RSPO2: variants seen among roughly 807,000 people sequenced by gnomAD.
RSPO2 encodes the protein R-spondin 2.
RSPO2 carries 14 observed loss-of-function variants against 30.9 expected under a neutral mutation model. The ratio of observed to expected loss-of-function variants is 0.45; its 90% confidence interval spans 0.30 to 0.71. The LOEUF (loss-of-function observed/expected upper bound fraction) is 0.71, where lower values mean the gene tolerates loss of function less well. RSPO2 is among the 30% of genes least tolerant of loss of function. The pLI is 0.08. For missense variants in RSPO2, 264 were observed against 301.9 expected, an observed-to-expected ratio of 0.87 and a Z score of 0.93; for synonymous variants, 107 against 96.4, an observed-to-expected ratio of 1.11 and a Z score of -0.64.
chr8:107,944,133 C>A (rs1223161714), intron 5 of RSPO2, among the ~76,000 whole-genome samples: 1 of 152,092 alleles, frequency 6.6e-6, no homozygotes, highest in Non-Finnish European at 1.5e-5. Context: ...TAATTCAAGT[C>A]TCTGGTTTAT....
At chr8:108,058,297 T>A (rs1266070548) in intron 2 of RSPO2, among the ~76,000 whole-genome samples, 1 of 152,092 alleles carries the variant, frequency 6.6e-6, no homozygotes, top group Non-Finnish European at 1.5e-5. Flanking sequence ...ACAAGGGACA[T>A]GAAGGACCTC....
At chr8:108,027,573 A>T (rs1035316783) in intron 2 of RSPO2, among the ~76,000 whole-genome samples, 3 of 152,008 alleles carry the variant, frequency 2.0e-5, no homozygotes, top group Admixed American at 6.6e-5. Flanking sequence ...AAGTATTTAT[A>T]TTTTTTTTAA....
In RSPO2 at chr8:107,983,556, A is replaced by G. The variant is rs1210476948; in HGVS notation, c.283+5500T>C. On this transcript the variant is annotated intron_variant, in intron 3 of 5. Transcript: ENST00000276659. ...ACACACTACTATATTTACTTCAGCAAAAGAGTGAGCCAGCAGAGCCATGTA... is the reference window on the plus strand; with the variant it reads ...ACACACTACTATATTTACTTCAGCAGAAGAGTGAGCCAGCAGAGCCATGTA... 4.4e-6 allele frequency: 7 copies of G among 1,600,194 alleles called. No homozygotes were observed. The Admixed American group carries it at 5.0e-5, about 11-fold the overall frequency.
intron 2 of RSPO2, among the ~76,000 whole-genome samples, chr8:108,032,579 CT>C (rs1410674318): frequency 6.6e-6 from 1 of 152,148 alleles, no homozygotes; most frequent in African/African-American, 2.4e-5. Context: ...CAACCTCCCC[CT>C]ACCAACCTAC....
intron 5 of RSPO2, among the ~76,000 whole-genome samples, chr8:107,908,880 A>T (rs990535138): frequency 6.6e-6 from 1 of 152,220 alleles, no homozygotes; most frequent in Non-Finnish European, 1.5e-5. Flanking sequence ...AACTACCTGC[A>T]AATAACAGGT....
chr8:107,912,016 T>C (rs373368516), intron 5 of RSPO2, among the ~76,000 whole-genome samples: 7 of 152,230 alleles, frequency 4.6e-5, no homozygotes, highest in East Asian at 3.9e-4. Flanking sequence ...AGTTATTCCC[T>C]GGGGTTAAGA....
intron 5 of RSPO2, among the ~76,000 whole-genome samples, chr8:107,932,303 A>G (rs1159836937): frequency 2.6e-5 from 4 of 152,138 alleles, no homozygotes; most frequent in Non-Finnish European, 4.4e-5. Flanking sequence ...GTATATGGGA[A>G]ATAAGGATAA....
chr8:108,047,001 G>A (rs1172615550), intron 2 of RSPO2, among the ~76,000 whole-genome samples: 1 of 152,150 alleles, frequency 6.6e-6, no homozygotes, highest in East Asian at 1.9e-4. Flanking sequence ...AGAGAGAAAG[G>A]AGAAAATCAT....
intron 2 of RSPO2, among the ~76,000 whole-genome samples, chr8:108,076,211 A>G (rs898763422): frequency 2.6e-5 from 4 of 152,224 alleles, no homozygotes; most frequent in Non-Finnish European, 4.4e-5. Flanking sequence ...GCTTAAGCCA[A>G]GTGTGCTTTC....
At position 107,899,368 on chromosome 8, in the gene RSPO2, T is replaced by TTGAC. The variant is rs1261003252; in HGVS notation, c.*1703_*1706dup. Reference sequence around the variant, plus strand: ...AAGAACATCCCAGGAACAACAGGTATTGACTTATTAACGATGAAGCACTAT... The same window carrying TTGAC: ...AAGAACATCCCAGGAACAACAGGTATTGACTGACTTATTAACGATGAAGCACTAT... On this transcript the variant is annotated 3_prime_UTR_variant, in exon 6 of 6. Transcript: ENST00000276659. The TTGAC allele has an allele frequency of 6.6e-6, 1 of 152,614 alleles. No homozygotes were observed. The highest frequency in any genetic ancestry group is 6.5e-5 in the Admixed American group (1 of 15,278). The allele number at this position is 152,614 out of a possible 1,614,324, so 9.5% of individuals were successfully genotyped here.
chr8:107,979,717 T>C (rs1306690750), intron 3 of RSPO2, among the ~76,000 whole-genome samples: 2 of 151,968 alleles, frequency 1.3e-5, no homozygotes, highest in East Asian at 3.9e-4. Context: ...TTGAGGTCTC[T>C]TCCCTCTCTT....
At chr8:108,073,251 G>A (rs778329571) in intron 2 of RSPO2, among the ~76,000 whole-genome samples, 7 of 152,172 alleles carry the variant, frequency 4.6e-5, no homozygotes, top group Non-Finnish European at 8.8e-5. Flanking sequence ...AGCAGGTTTC[G>A]CCCCTGAACC....
chr8:107,976,493 A>G (rs1038542398), intron 3 of RSPO2, among the ~76,000 whole-genome samples: 1 of 152,222 alleles, frequency 6.6e-6, no homozygotes, highest in African/African-American at 2.4e-5. Flanking sequence ...TTAGGAGAGT[A>G]TTAGAATGGC....
intron 5 of RSPO2, among the ~76,000 whole-genome samples, chr8:107,913,275 T>C (rs1181188827): frequency 2.0e-5 from 3 of 152,142 alleles, no homozygotes; most frequent in African/African-American, 7.2e-5. Context: ...AAATGGCCAA[T>C]GTTACTCTCT....
chr8:108,069,882 C>T (rs1812786127), intron 2 of RSPO2, among the ~76,000 whole-genome samples: 1 of 152,170 alleles, frequency 6.6e-6, no homozygotes, highest in African/African-American at 2.4e-5. Flanking sequence ...ATTATGCCCT[C>T]ATAGGTGTGC....
intron 2 of RSPO2, among the ~76,000 whole-genome samples, chr8:108,051,551 G>A (rs186160257): frequency 6.6e-6 from 1 of 152,322 alleles, no homozygotes; most frequent in African/African-American, 2.4e-5. Context: ...AATGGTTTGA[G>A]AGCAGGGCAG....
At chr8:108,020,080 A>C (rs1281175598) in intron 2 of RSPO2, among the ~76,000 whole-genome samples, 7 of 151,338 alleles carry the variant, frequency 4.6e-5, no homozygotes, top group Non-Finnish European at 8.9e-5. Context: ...AAAATTACAA[A>C]AAAAAAAAAA....
chr8:107,998,219 G>A (rs1201265541), intron 2 of RSPO2, among the ~76,000 whole-genome samples: 2 of 151,852 alleles, frequency 1.3e-5, no homozygotes, highest in Non-Finnish European at 2.9e-5. Flanking sequence ...CCCATAGAAG[G>A]AGCAGGATTG....
At chr8:107,937,270 T>C (rs1812750742) in intron 5 of RSPO2, among the ~76,000 whole-genome samples, 1 of 152,130 alleles carries the variant, frequency 6.6e-6, no homozygotes, top group Non-Finnish European at 1.5e-5. Flanking sequence ...CAGTGTATGT[T>C]GTTAGCACTT....
Sources: allele counts gnomAD v4.1 joint callset (sites outside exome capture counted in the v4.1 genomes callset), GRCh38; gene constraint gnomAD v4.1.1; transcripts MANE v1.5; gene names NCBI Gene and HGNC (gene_info 2026-07-23, HGNC 2026-07-21).